The following HOMER1 variants were observed in gnomAD, a reference collection of about 807,000 sequenced individuals.
The protein encoded by HOMER1 is homer protein homolog 1.
HOMER1 carries 3 observed loss-of-function variants against 48.9 expected under a neutral mutation model. The observed-to-expected ratio is 0.06, with a 90% CI of 0.03 to 0.16. The LOEUF is 0.16. HOMER1 is among the 10% of genes least tolerant of loss of function. The probability of loss-of-function intolerance (pLI) is 1.00; values close to 1 mark genes in which losing one functional copy is unlikely to be tolerated. For synonymous variants in HOMER1, 134 were observed against 146.4 expected (o/e 0.92, Z 0.61); for missense variants, 247 against 411.4 (o/e 0.60, Z 3.46).
At chr5:79,443,913 C>T in intron 4 of HOMER1, among the ~76,000 whole-genome samples, 1 of 152,180 alleles carries the variant, frequency 6.6e-6, no homozygotes, top group Non-Finnish European at 1.5e-5. Context: ...TATAAACACA[C>T]TTGTGTTAAA....
chr5:79,464,734 T>C (rs2112313913), intron 1 of HOMER1, among the ~76,000 whole-genome samples: 1 of 152,366 alleles, frequency 6.6e-6, no homozygotes, highest in East Asian at 1.9e-4. Context: ...TCAGAGATTA[T>C]GACTGCATAA....
intron 6 of HOMER1, among the ~76,000 whole-genome samples, chr5:79,400,668 T>C (rs1749510571): frequency 6.6e-6 from 1 of 150,928 alleles, no homozygotes; most frequent in Non-Finnish European, 1.5e-5. Flanking sequence ...GGAATTTTTT[T>C]TAAAAGGAGA....
chr5:79,456,801 C>A, intron 2 of HOMER1, 61 bp downstream of exon 2: 2 of 1,459,380 alleles, frequency 1.4e-6, no homozygotes, highest in Non-Finnish European at 1.9e-6. Flanking sequence ...CTGAATAGAA[C>A]TAAAATGTCA....
At chr5:79,481,933 A>C (rs79438727) in intron 1 of HOMER1, among the ~76,000 whole-genome samples, 3 of 152,156 alleles carry the variant, frequency 2.0e-5, no homozygotes, top group Non-Finnish European at 4.4e-5. Context: ...TTAAAAGAAT[A>C]TAAGTCTGGG....
intron 1 of HOMER1, among the ~76,000 whole-genome samples, chr5:79,507,710 T>C (rs1752817735): frequency 1.8e-5 from 2 of 112,130 alleles, no homozygotes; most frequent in South Asian, 4.7e-4. Context: ...CACTAAAGAC[T>C]GAAAAAAAAA....
chr5:79,409,474 G>T (rs934458330), intron 5 of HOMER1, among the ~76,000 whole-genome samples: 1 of 149,506 alleles, frequency 6.7e-6, no homozygotes, highest in African/African-American at 2.5e-5. Context: ...TTGGATCTGC[G>T]ATGATTTCTT....
intron 1 of HOMER1, among the ~76,000 whole-genome samples, chr5:79,479,339 G>A (rs972538689): frequency 1.3e-5 from 2 of 152,196 alleles, no homozygotes; most frequent in Non-Finnish European, 2.9e-5. Flanking sequence ...TTTTGCAGAT[G>A]TGATTAAGTT....
intron 2 of HOMER1, among the ~76,000 whole-genome samples, chr5:79,452,040 T>C (rs7712972): frequency 0.025 from 3,783 of 152,234 alleles, 154 homozygotes; most frequent in African/African-American, 0.086. Context: ...CCGGGACCCC[T>C]ATGTATACTA....
chr5:79,509,447 G>A (rs1752872543), intron 1 of HOMER1, among the ~76,000 whole-genome samples: 1 of 133,250 alleles, frequency 7.5e-6, no homozygotes, highest in African/African-American at 2.8e-5. Context: ...TGATAGTTCT[G>A]AAATAGCTAC....
At chr5:79,491,200 G>C (rs1378680945) in intron 1 of HOMER1, among the ~76,000 whole-genome samples, 1 of 150,908 alleles carries the variant, frequency 6.6e-6, no homozygotes, top group Admixed American at 6.6e-5. Flanking sequence ...GGGAGGCTGA[G>C]GTGGATGGAT....
chr5:79,512,815 G>A lies in HOMER1; in HGVS notation c.-41C>T. The A allele has an allele frequency of 1.2e-6, 2 of 1,608,416 alleles. No individual in the cohort carries two copies. Among genetic ancestry groups the A allele is most frequent in the African/African-American group, 1.3e-5 (1 of 74,890 alleles). On this transcript the variant is annotated 5_prime_UTR_variant, in exon 1 of 9. Transcript: ENST00000334082. ...CTTGCTCTGAAGTTTCAGCTCTTAT[G>A]CTACGGAATAACTTCCAAAGGAATT...
chr5:79,500,927 T>TG lies in HOMER1; in HGVS notation c.5+11842_5+11843insC, dbSNP rs1752559296. On this transcript the variant is annotated intron_variant, in intron 1 of 8. Transcript: ENST00000334082. ...GGCGTGAGCCACTGCACCCAGCCATTTGTGTGTGTGTGTGTGTGTGTGTGT... is the reference window on the plus strand; with the variant it reads ...GGCGTGAGCCACTGCACCCAGCCATTGTGTGTGTGTGTGTGTGTGTGTGTGT... Among the ~76,000 whole-genome samples, 157 of 124,360 alleles carry TG rather than the reference T, an allele frequency of 1.3e-3. 1 individual carries two copies. Among genetic ancestry groups the TG allele is most frequent in the African/African-American group, 5.7e-3 (155 of 27,320 alleles). 81.6% of individuals were successfully genotyped at this position (124,360 alleles called of 152,430 possible).
intron 8 of HOMER1, among the ~76,000 whole-genome samples, chr5:79,380,114 G>C (rs996273127): frequency 2.0e-5 from 3 of 152,134 alleles, no homozygotes; most frequent in Non-Finnish European, 4.4e-5. Context: ...AGGATTGGTG[G>C]GGAGCTGAGA....
Position 79,374,301 on chromosome 5 carries a change from A to G in HOMER1, c.*1708T>C, listed in dbSNP as rs1231359976. The G allele has an allele frequency of 6.6e-6, 1 of 152,460 alleles. No homozygotes were observed. The highest frequency in any genetic ancestry group is 1.5e-5 in the Non-Finnish European group (1 of 67,864). The allele number at this position is 152,460 out of a possible 1,614,324, so 9.4% of individuals were successfully genotyped here. A position where few individuals can be genotyped will look rare whatever the true frequency, so the allele number is the denominator to read the frequency against. On this transcript the variant is annotated 3_prime_UTR_variant, in exon 9 of 9. Coordinates refer to ENST00000334082, the MANE Select transcript of HOMER1 (RefSeq NM_004272.5). ...ATGGAGGTAACGTACATGATGTTAC[A>G]GCACATATAATACATGATTGTTATA... is the stretch of plus-strand genomic sequence containing the variant.
chr5:79,479,375 C>T (rs1354669060), intron 1 of HOMER1, among the ~76,000 whole-genome samples: 1 of 152,070 alleles, frequency 6.6e-6, no homozygotes, highest in South Asian at 2.1e-4. Flanking sequence ...GGGGGATTAC[C>T]CTGGATTAGC....
At chr5:79,502,349 T>A (rs992362774) in intron 1 of HOMER1, among the ~76,000 whole-genome samples, 2 of 151,986 alleles carry the variant, frequency 1.3e-5, no homozygotes, top group African/African-American at 2.4e-5. Context: ...TAATAAATAT[T>A]TTTTTTAAAA....
intron 1 of HOMER1, among the ~76,000 whole-genome samples, chr5:79,476,600 C>T (rs929877130): frequency 6.6e-6 from 1 of 152,104 alleles, no homozygotes; most frequent in African/African-American, 2.4e-5. Context: ...CTCAGGAAAA[C>T]ACTTAAGTTT....
At chr5:79,504,360 A>T (rs1419514364) in intron 1 of HOMER1, among the ~76,000 whole-genome samples, 1 of 151,830 alleles carries the variant, frequency 6.6e-6, no homozygotes, top group East Asian at 1.9e-4. Context: ...TGAGACAGTG[A>T]TTCATAACAG....
intron 5 of HOMER1, among the ~76,000 whole-genome samples, chr5:79,412,066 T>A (rs1477030762): frequency 2.0e-5 from 3 of 152,036 alleles, no homozygotes; most frequent in African/African-American, 7.2e-5. Flanking sequence ...TTGCAGTGAG[T>A]GGAGATCATG....
Sources: gnomAD v4.1 joint callset for allele counts (sites outside exome capture counted in the v4.1 genomes callset) on GRCh38, gnomAD v4.1.1 for gene constraint, MANE v1.5 for transcripts, NCBI Gene and HGNC (gene_info 2026-07-23, HGNC 2026-07-21) for gene names.